Variants in NDST4 observed in about 807,000 individuals in gnomAD.
The protein encoded by NDST4 is N-deacetylase and N-sulfotransferase 4.
NDST4 carries 63 observed loss-of-function variants against 100.8 expected under a neutral mutation model. The observed-to-expected ratio is 0.62, with a 90% CI of 0.51 to 0.77. NDST4 has a LOEUF of 0.77. Among genes scored for constraint, NDST4 ranks in the 30% least tolerant of loss-of-function variants. The probability of loss-of-function intolerance (pLI) is 0.00; values close to 1 mark genes in which losing one functional copy is unlikely to be tolerated. For missense variants in NDST4, 943 were observed against 1,018.4 expected (o/e 0.93, Z 1.01); for synonymous variants, 377 against 361.8 (o/e 1.04, Z -0.48).
chr4:115,005,481 G>T (rs940786005), intron 2 of NDST4, among the ~76,000 whole-genome samples: 7 of 152,140 alleles, frequency 4.6e-5, no homozygotes, highest in African/African-American at 7.2e-5. Flanking sequence ...AAGAAAGCAT[G>T]TCTGAGGTAG....
At chr4:114,971,018 C>A (rs954987661) in intron 3 of NDST4, among the ~76,000 whole-genome samples, 8 of 151,876 alleles carry the variant, frequency 5.3e-5, no homozygotes. Context: ...AAAGCACAGG[C>A]AAGTAATACA....
chr4:114,863,781 C>A lies in NDST4; in HGVS notation c.1719+6987G>T, dbSNP rs561096003. On this transcript the variant is annotated intron_variant, in intron 7 of 13. Transcript: ENST00000264363. ...GTTTGTATTTGTGGAATATATGAGGCAAATTTACTTTTAAGTAAACATAAA... is the reference window on the plus strand; with the variant it reads ...GTTTGTATTTGTGGAATATATGAGGAAAATTTACTTTTAAGTAAACATAAA... 5.3e-5 allele frequency among the ~76,000 whole-genome samples: 8 copies of A among 152,288 alleles called. No individual in the cohort carries two copies. In the East Asian group the frequency reaches 1.5e-3, roughly 29 times the overall value.
intron 7 of NDST4, among the ~76,000 whole-genome samples, chr4:114,866,323 G>A (rs17486233): frequency 0.054 from 8,153 of 152,162 alleles, 266 homozygotes; most frequent in Middle Eastern, 0.11. Flanking sequence ...AAAGGCTTCT[G>A]GTGTACTCTT....
intron 2 of NDST4, among the ~76,000 whole-genome samples, chr4:115,016,031 C>T (rs577349339): frequency 1.7e-4 from 26 of 152,154 alleles, no homozygotes; most frequent in Admixed American, 1.1e-3. Context: ...TGCAATGCTT[C>T]TGCCAAAACT....
chr4:114,907,148 T>A (rs1328088985), intron 6 of NDST4, among the ~76,000 whole-genome samples: 1 of 152,112 alleles, frequency 6.6e-6, no homozygotes. Context: ...CTCAGGGAAA[T>A]AAAGCCGAGG....
chr4:114,885,909 T>C (rs1238351028), intron 6 of NDST4, among the ~76,000 whole-genome samples: 3 of 152,010 alleles, frequency 2.0e-5, no homozygotes, highest in Admixed American at 2.0e-4. Flanking sequence ...CTCAGTTGCA[T>C]GTAAGGGACA....
chr4:114,932,771 A>ATTTATTCCTATAAAT (rs1725542099), intron 6 of NDST4, among the ~76,000 whole-genome samples: 1 of 152,046 alleles, frequency 6.6e-6, no homozygotes, highest in South Asian at 2.1e-4. Flanking sequence ...AAATGTAACC[A>ATTTATTCCTATAAAT]AGGAAGTTAA....
At chr4:114,966,059 C>A (rs1373562954) in intron 4 of NDST4, among the ~76,000 whole-genome samples, 6 of 151,950 alleles carry the variant, frequency 3.9e-5, no homozygotes, top group Admixed American at 3.9e-4. Context: ...TTTCTCCACC[C>A]TACTGCCATA....
intron 1 of NDST4, among the ~76,000 whole-genome samples, chr4:115,092,892 T>A (rs991826454): frequency 2.2e-4 from 33 of 152,304 alleles, no homozygotes; most frequent in African/African-American, 6.7e-4. Context: ...AACTAAATTA[T>A]CTTTCAAAAA....
At chr4:115,011,603 C>A (rs902988811) in intron 2 of NDST4, among the ~76,000 whole-genome samples, 4 of 151,768 alleles carry the variant, frequency 2.6e-5, no homozygotes, top group African/African-American at 9.7e-5. Context: ...AGAGAAATAG[C>A]AGTTTCAGGT....
At chr4:114,890,410 A>G (rs1044935512) in intron 6 of NDST4, among the ~76,000 whole-genome samples, 13 of 152,120 alleles carry the variant, frequency 8.5e-5, no homozygotes, top group Admixed American at 3.9e-4. Flanking sequence ...TTAAGGCACA[A>G]AGTCTTGCAT....
intron 6 of NDST4, among the ~76,000 whole-genome samples, chr4:114,905,989 A>G (rs1724940649): frequency 6.6e-6 from 1 of 152,000 alleles, no homozygotes. Context: ...AGTGCTTTCA[A>G]ACAAGGACCA....
chr4:115,012,470 A>G (rs955989749), intron 2 of NDST4, among the ~76,000 whole-genome samples: 2 of 151,968 alleles, frequency 1.3e-5, no homozygotes, highest in Admixed American at 6.6e-5. Context: ...AAGTGACCTC[A>G]CTTGTGCTCT....
intron 1 of NDST4, among the ~76,000 whole-genome samples, chr4:115,112,670 C>T (rs1312032616): frequency 6.6e-6 from 1 of 151,462 alleles, no homozygotes; most frequent in East Asian, 1.9e-4. Context: ...TTTAATTTTC[C>T]TTATTTAGCT....
chr4:115,017,773 G>A (rs1727718174), intron 2 of NDST4, among the ~76,000 whole-genome samples: 1 of 151,996 alleles, frequency 6.6e-6, no homozygotes, highest in South Asian at 2.1e-4. Flanking sequence ...ATGTCATCCA[G>A]AAGAGTGAAT....
intron 2 of NDST4, among the ~76,000 whole-genome samples, chr4:115,001,267 C>T (rs1321813587): frequency 6.6e-6 from 1 of 151,976 alleles, no homozygotes; most frequent in Non-Finnish European, 1.5e-5. Flanking sequence ...CTTGCCTTGC[C>T]TTGATCAAGG....
At chr4:115,064,983 A>G (rs1039737457) in intron 2 of NDST4, among the ~76,000 whole-genome samples, 1 of 152,066 alleles carries the variant, frequency 6.6e-6, no homozygotes, top group African/African-American at 2.4e-5. Context: ...CATAAATCAA[A>G]CTCCTCATCC....
chr4:115,060,032 T>C (rs1395128657), intron 2 of NDST4, among the ~76,000 whole-genome samples: 1 of 151,942 alleles, frequency 6.6e-6, no homozygotes, highest in African/African-American at 2.4e-5. Context: ...ACTGTCCCCA[T>C]ATTGCTACAT....
chr4:114,979,689 G>C (rs1726721936), intron 2 of NDST4, among the ~76,000 whole-genome samples: 1 of 151,822 alleles, frequency 6.6e-6, no homozygotes, highest in African/African-American at 2.4e-5. Context: ...AGCAAGTTCA[G>C]AGAGGCAAAG....
Sources: allele counts gnomAD v4.1 joint callset (sites outside exome capture counted in the v4.1 genomes callset), GRCh38; gene constraint gnomAD v4.1.1; transcripts MANE v1.5; gene names NCBI Gene and HGNC (gene_info 2026-07-23, HGNC 2026-07-21).